Variants in ASTN1 observed in about 807,000 individuals in gnomAD.
ASTN1 encodes the protein astrotactin-1.
Under a neutral mutation model 140.7 loss-of-function variants are expected in ASTN1, and 41 were observed. That is an observed-to-expected ratio of 0.29 (90% CI 0.23 to 0.38). The LOEUF (loss-of-function observed/expected upper bound fraction) is 0.38, where lower values mean the gene tolerates loss of function less well. Among genes scored for constraint, ASTN1 ranks in the 10% least tolerant of loss-of-function variants. The pLI, the probability that ASTN1 is intolerant of heterozygous loss-of-function variation, is 1.00. For synonymous variants in ASTN1, 640 were observed against 652.2 expected (o/e 0.98, Z 0.29); for missense variants, 1,479 against 1,678.8 (o/e 0.88, Z 2.08).
chr1:177,062,859 C>A (rs114726763), intron 1 of ASTN1, among the ~76,000 whole-genome samples: 2 of 152,114 alleles, frequency 1.3e-5, no homozygotes, highest in Non-Finnish European at 2.9e-5. Context: ...CTAATCTAAA[C>A]GAGATCCTCA....
chr1:177,023,656 T>C, intron 6 of ASTN1, 85 bp from the exon 7 acceptor site: 1 of 1,354,490 alleles, frequency 7.4e-7, no homozygotes, highest in Non-Finnish European at 9.9e-7. Flanking sequence ...AATCCCAACC[T>C]GAGAATTAGT....
intron 1 of ASTN1, among the ~76,000 whole-genome samples, chr1:177,144,484 C>G (rs933078886): frequency 1.3e-5 from 2 of 150,036 alleles, no homozygotes; most frequent in Admixed American, 1.3e-4. Context: ...GATCTCCTGA[C>G]CTCGTGATCC....
At chr1:177,055,589 C>T (rs933155990) in intron 2 of ASTN1, among the ~76,000 whole-genome samples, 3 of 152,192 alleles carry the variant, frequency 2.0e-5, no homozygotes, top group African/African-American at 7.2e-5. Context: ...ACCAGTAAGT[C>T]GGTTCAGCCC....
chr1:177,047,992 A>C (rs1204972072), intron 2 of ASTN1, among the ~76,000 whole-genome samples: 1 of 152,168 alleles, frequency 6.6e-6, no homozygotes, highest in Non-Finnish European at 1.5e-5. Context: ...TGCCGATGAA[A>C]ATTTCTGGAT....
At chr1:177,136,289 T>C (rs1383682112) in intron 1 of ASTN1, among the ~76,000 whole-genome samples, 1 of 152,176 alleles carries the variant, frequency 6.6e-6, no homozygotes, top group Non-Finnish European at 1.5e-5. Flanking sequence ...TAGAATAGTC[T>C]CTACATGTTT....
chr1:176,893,615 G>T (rs1669362042), intron 17 of ASTN1, among the ~76,000 whole-genome samples: 1 of 152,174 alleles, frequency 6.6e-6, no homozygotes, highest in Non-Finnish European at 1.5e-5. Context: ...CAAACACCAG[G>T]TGTTCCTTAA....
intron 8 of ASTN1, among the ~76,000 whole-genome samples, chr1:177,004,485 GAAC>G (rs769692562): frequency 2.4e-4 from 37 of 151,892 alleles, no homozygotes; most frequent in South Asian, 2.3e-3. Flanking sequence ...AATTCATATG[GAAC>G]AACAACAACA....
At chr1:177,136,354 C>CTT (rs761381263) in intron 1 of ASTN1, among the ~76,000 whole-genome samples, 31 of 131,110 alleles carry the variant, frequency 2.4e-4, no homozygotes, top group Non-Finnish European at 3.6e-4. Flanking sequence ...ATTTTTCTTC[C>CTT]TTTTTTTTTT....
chr1:176,996,490 T>C (rs760867199), intron 8 of ASTN1, among the ~76,000 whole-genome samples: 14 of 152,114 alleles, frequency 9.2e-5, no homozygotes, highest in Non-Finnish European at 1.6e-4. Flanking sequence ...CCCTACATTC[T>C]GTACTGCTGG....
At chr1:177,080,967 C>T (rs1298110282) in intron 1 of ASTN1, among the ~76,000 whole-genome samples, 1 of 152,162 alleles carries the variant, frequency 6.6e-6, no homozygotes, top group Non-Finnish European at 1.5e-5. Flanking sequence ...GCACCCTTCT[C>T]TCTGTATTAT....
At chr1:177,157,701 C>CTT (rs958987249) in intron 1 of ASTN1, among the ~76,000 whole-genome samples, 3 of 152,082 alleles carry the variant, frequency 2.0e-5, no homozygotes, top group Admixed American at 6.6e-5. Flanking sequence ...TTGAGGCCCT[C>CTT]TTTTTCACCC....
rs545548319 is a variant in ASTN1 at position 176,891,610 on chromosome 1, A to G, written c.2940+2952T>C. 5.0e-3 allele frequency among the ~76,000 whole-genome samples: 760 copies of G among 152,304 alleles called. 5 individuals are homozygous for G. The highest frequency in any genetic ancestry group is 0.017 in the African/African-American group (724 of 41,572). On this transcript the variant is annotated intron_variant, in intron 17 of 22. Transcript: ENST00000361833. Reference sequence around the variant, plus strand: ...GGAGTTCGAGACCAGCCTGACCAACATGGAGAAACCCCATCTCTACCAAAA... The same window carrying G: ...GGAGTTCGAGACCAGCCTGACCAACGTGGAGAAACCCCATCTCTACCAAAA...
chr1:177,134,554 T>C (rs10047146), intron 1 of ASTN1, among the ~76,000 whole-genome samples: 24,525 of 152,136 alleles, frequency 0.16, 3,971 homozygotes, highest in African/African-American at 0.42. Flanking sequence ...TATTATTCAG[T>C]GGGGAATGAA....
chr1:177,136,477 T>C (rs1374781763), intron 1 of ASTN1, among the ~76,000 whole-genome samples: 3 of 151,900 alleles, frequency 2.0e-5, no homozygotes, highest in Admixed American at 6.6e-5. Flanking sequence ...CTCAGTCTTC[T>C]GAGTAGCTGG....
chr1:177,020,276 T>C (rs1484404770), intron 7 of ASTN1, among the ~76,000 whole-genome samples: 1 of 152,204 alleles, frequency 6.6e-6, no homozygotes, highest in East Asian at 1.9e-4. Context: ...CAACATACAT[T>C]TATTATCTTA....
At chr1:176,911,954 C>T (rs1670260445) in intron 16 of ASTN1, among the ~76,000 whole-genome samples, 1 of 152,174 alleles carries the variant, frequency 6.6e-6, no homozygotes, top group Non-Finnish European at 1.5e-5. Flanking sequence ...ATTACAATGG[C>T]TACATCACTC....
chr1:176,868,156 G>A (rs1265090863), intron 22 of ASTN1, among the ~76,000 whole-genome samples: 1 of 152,052 alleles, frequency 6.6e-6, no homozygotes, highest in African/African-American at 2.4e-5. Flanking sequence ...GTCTTTCCAG[G>A]GAAGTCTGTT....
At chr1:177,004,355 T>C (rs1674889090) in intron 8 of ASTN1, among the ~76,000 whole-genome samples, 1 of 152,256 alleles carries the variant, frequency 6.6e-6, no homozygotes, top group Admixed American at 6.5e-5. Context: ...CCCATGCTCA[T>C]CAATTGGAAG....
At chr1:177,157,917 A>G (rs1323073548) in intron 1 of ASTN1, among the ~76,000 whole-genome samples, 2 of 152,090 alleles carry the variant, frequency 1.3e-5, no homozygotes, top group African/African-American at 4.8e-5. Context: ...ATTTACCCAC[A>G]TTGATATATG....
Sources: allele counts gnomAD v4.1 joint callset (sites outside exome capture counted in the v4.1 genomes callset), GRCh38; gene constraint gnomAD v4.1.1; transcripts MANE v1.5; gene names NCBI Gene and HGNC (gene_info 2026-07-23, HGNC 2026-07-21).